The following ZDHHC24 variants were observed in gnomAD, a reference collection of about 807,000 sequenced individuals.
The protein encoded by ZDHHC24 is zDHHC palmitoyltransferase 24.
Under a neutral mutation model 23.2 loss-of-function variants are expected in ZDHHC24, and 17 were observed. That is an observed-to-expected ratio of 0.73 (90% CI 0.50 to 1.10). The LOEUF is 1.10. Ranked by LOEUF, ZDHHC24 falls within the 50% of genes least tolerant of loss-of-function variation. ZDHHC24 has a pLI of 0.00. For missense variants in ZDHHC24, 366 were observed against 393.0 expected (o/e 0.93, Z 0.58); for synonymous variants, 186 against 194.5 (o/e 0.96, Z 0.36).
rs942604553 is a variant in ZDHHC24, at chr11:66,536,669, C to G, written c.*2860G>C. 1 of 149,778 alleles carries G rather than the reference C, an allele frequency of 6.7e-6. No homozygotes were observed. Among genetic ancestry groups the G allele is most frequent in the Non-Finnish European group, 1.5e-5 (1 of 66,400 alleles). The allele number at this position is 149,778 out of a possible 1,614,324, so 9.3% of individuals were successfully genotyped here. A position where few individuals can be genotyped will look rare whatever the true frequency, so the allele number is the denominator to read the frequency against. ...GGTGGATCACCTGAGGTCAGGAGTT[C>G]CAGACCAGCCTGACCAACATGGAGA... On this transcript the variant is annotated 3_prime_UTR_variant, in exon 3 of 3. Transcript: ENST00000310442.
At chr11:66,523,413 G>C in intron 4 of ZDHHC24, 1 of 1,614,086 alleles carries the variant, frequency 6.2e-7, no homozygotes, top group South Asian at 1.1e-5. Context: ...TAGAAGTGGA[G>C]AGGATTTCTC....
rs754750362 is a variant in ZDHHC24 at position 66,545,766 on chromosome 11, G to A, written c.238C>T (p.Arg80Cys). Residue 80 changes from arginine to cysteine, a missense_variant, in exon 1 of 3, where the codon CGT (arginine) becomes TGT (cysteine). Transcript: ENST00000310442. The surrounding 1 kb of genome is among the most constrained non-coding windows in gnomAD (Gnocchi z 4.5). ...CCGCGGCCGGCCAGCATCACGCCAC[G>A]GATGCTGGGATCCGAGCGCAGGAAG... ...GLFLRSDPSI[R>C]GVMLAGRGLG... The A allele has an allele frequency of 1.3e-6, 2 of 1,589,976 alleles. No homozygotes were observed. The highest frequency in any genetic ancestry group is 1.7e-6 in the Non-Finnish European group (2 of 1,173,560).
chr11:66,524,545 A>G (rs773728707), intron 4 of ZDHHC24, among the ~76,000 whole-genome samples: 24 of 152,218 alleles, frequency 1.6e-4, no homozygotes, highest in Non-Finnish European at 2.5e-4. Flanking sequence ...TGACAGTTCA[A>G]CTGGGCCTCA....
At chr11:66,540,427 CAA>C (rs1184182591) in intron 2 of ZDHHC24, among the ~76,000 whole-genome samples, 6 of 52,566 alleles carry the variant, frequency 1.1e-4, no homozygotes, top group Admixed American at 2.4e-4. Context: ...ACTCCCATCT[CAA>C]AAAAAAAAAA....
intron 4 of ZDHHC24, chr11:66,522,981 G>A (rs761043792): frequency 8.2e-6 from 3 of 366,386 alleles, no homozygotes; most frequent in Non-Finnish European, 1.6e-5. Context: ...ATTGGCGTGT[G>A]CTCCTCGAAT....
At chr11:66,534,727 A>G (rs912093016), downstream of ZDHHC24, among the ~76,000 whole-genome samples, 1 of 151,904 alleles carries the variant, frequency 6.6e-6, no homozygotes, top group Non-Finnish European at 1.5e-5. Context: ...ACGGAGTCTC[A>G]CTGTGTCGCC....
chr11:66,530,815 G>A (rs1856745230), downstream of ZDHHC24: 1 of 1,591,672 alleles, frequency 6.3e-7, no homozygotes, highest in Non-Finnish European at 8.6e-7. Flanking sequence ...GGCATTGGTG[G>A]AAGGCAGGCA....
rs1315518496 is a variant in ZDHHC24, at chr11:66,539,634, C to T, written c.750G>A (p.Gly250=). The change falls in exon 3 of 3, where the codon GGG becomes GGA. Residue 250 remains glycine (G), a synonymous_variant. Coordinates refer to ENST00000310442, the MANE Select transcript of ZDHHC24 (RefSeq NM_207340.3). ...GPCHNLQAAL[G]PRWALVWLWP... ...AGAGCCAGACGAGGGCCCAGCGGGG[C>T]CCCAGGGCTGCCTGCAGGTTGTGGC... The T allele has an allele frequency of 6.2e-7, 1 of 1,612,464 alleles. No homozygotes were observed. Among genetic ancestry groups the T allele is most frequent in the Admixed American group, 1.7e-5 (1 of 59,842 alleles).
intron 2 of ZDHHC24, among the ~76,000 whole-genome samples, chr11:66,541,325 C>T (rs1857144280): frequency 6.6e-6 from 1 of 151,984 alleles, no homozygotes; most frequent in Non-Finnish European, 1.5e-5. Context: ...ATCACTTGAA[C>T]CTGGAAGGCG....
chr11:66,532,603 C>T, downstream of ZDHHC24: 1 of 155,864 alleles, frequency 6.4e-6, no homozygotes, highest in Non-Finnish European at 1.4e-5. Context: ...TAGCCCTCCT[C>T]TCCCCAGGAA....
At chr11:66,535,201 A>C (rs993617550), downstream of ZDHHC24, among the ~76,000 whole-genome samples, 3 of 150,482 alleles carry the variant, frequency 2.0e-5, no homozygotes, top group African/African-American at 7.3e-5. Flanking sequence ...CCTGGACACA[A>C]CTTTTGTTTT....
downstream of ZDHHC24, chr11:66,530,932 C>T (rs1301583558): frequency 2.7e-5 from 44 of 1,614,232 alleles, no homozygotes; most frequent in Non-Finnish European, 3.6e-5. Context: ...TCACACTTCA[C>T]CTGCAGAACA....
intron 4 of ZDHHC24, chr11:66,523,627 C>G: frequency 6.2e-7 from 1 of 1,613,108 alleles, no homozygotes; most frequent in Non-Finnish European, 8.5e-7. Flanking sequence ...CCCTAGCCCC[C>G]ACTTGGCAAG....
At chr11:66,526,059 C>T in intron 4 of ZDHHC24, 1 of 1,476,768 alleles carries the variant, frequency 6.8e-7, no homozygotes, top group East Asian at 2.3e-5. Flanking sequence ...CTCCCCTACC[C>T]ATCCCCTGTC....
intron 4 of ZDHHC24, chr11:66,526,258 GA>G (rs1291907192): frequency 3.4e-6 from 5 of 1,482,210 alleles, no homozygotes; most frequent in African/African-American, 1.4e-5. Context: ...TGCTTCTGGG[GA>G]AAGAGGAGGA....
At chr11:66,532,144 C>T (rs981703678), downstream of ZDHHC24, 302 of 1,207,740 alleles carry the variant, frequency 2.5e-4, no homozygotes, top group African/African-American at 1.5e-4. Context: ...GGCGACAGCT[C>T]GTCTCCCCTC....
At chr11:66,532,118 T>C (rs1188960854), downstream of ZDHHC24, 10 of 1,406,280 alleles carry the variant, frequency 7.1e-6, 1 homozygote, top group South Asian at 6.3e-5. Flanking sequence ...CCACTCCTCA[T>C]GCAGCAGTGT....
chr11:66,535,120 T>C (rs1856920980), downstream of ZDHHC24, among the ~76,000 whole-genome samples: 1 of 152,118 alleles, frequency 6.6e-6, no homozygotes, highest in African/African-American at 2.4e-5. Flanking sequence ...CTTGAATTCC[T>C]GACCTCAGGT....
chr11:66,545,592 G>C lies in ZDHHC24; in HGVS notation c.281+131C>G. 1.8e-6 allele frequency: 2 copies of C among 1,103,902 alleles called. No homozygotes were observed. The highest frequency in any genetic ancestry group is 1.2e-6 in the Non-Finnish European group (1 of 814,340). The allele number at this position is 1,103,902 out of a possible 1,614,324, so 68.4% of individuals were successfully genotyped here. A position where few individuals can be genotyped will look rare whatever the true frequency, so the allele number is the denominator to read the frequency against. On this transcript the variant is annotated intron_variant, in intron 1 of 2. Transcript: ENST00000310442. The surrounding 1 kb of genome is among the most constrained non-coding windows in gnomAD (Gnocchi z 4.5). Reference sequence around the variant, plus strand: ...CTCAATTCTAGCTCTTCCATCCCAGGTTCTAAAAAAATGTCTGATTCTAAC... The same window carrying C: ...CTCAATTCTAGCTCTTCCATCCCAGCTTCTAAAAAAATGTCTGATTCTAAC...
Sources: allele counts gnomAD v4.1 joint callset (sites outside exome capture counted in the v4.1 genomes callset), GRCh38; gene constraint gnomAD v4.1.1; non-coding constraint Gnocchi (gnomAD v3.1); transcripts MANE v1.5; gene names NCBI Gene and HGNC (gene_info 2026-07-23, HGNC 2026-07-21).